The following GOLPH3 variants were observed in gnomAD, a reference collection of about 807,000 sequenced individuals.
GOLPH3 encodes the protein coat protein GPP34.
Under a neutral mutation model 28.5 loss-of-function variants are expected in GOLPH3, and 14 were observed. The observed-to-expected ratio is 0.49, with a 90% CI of 0.32 to 0.77. The LOEUF (loss-of-function observed/expected upper bound fraction) is 0.77. Ranked by LOEUF, GOLPH3 falls within the 30% of genes least tolerant of loss-of-function variation. The pLI is 0.03. For missense variants in GOLPH3, 350 were observed against 393.7 expected (o/e 0.89, Z 0.94); for synonymous variants, 158 against 159.2 (o/e 0.99, Z 0.06).
chr5:32,159,963 T>C (rs1317416389), intron 1 of GOLPH3, among the ~76,000 whole-genome samples: 2 of 152,232 alleles, frequency 1.3e-5, no homozygotes. Flanking sequence ...AAGTTTTATA[T>C]CAAGTCACTA....
At chr5:32,170,349 C>T (rs1239484317) in intron 1 of GOLPH3, among the ~76,000 whole-genome samples, 2 of 152,142 alleles carry the variant, frequency 1.3e-5, no homozygotes, top group East Asian at 3.8e-4. Context: ...GCTCTAGGTA[C>T]TGGTTTAACA....
rs189233297 is a variant in GOLPH3, at chr5:32,172,471, C to A, written c.225+1339G>T. Among the ~76,000 whole-genome samples the A allele has an allele frequency of 1.8e-3, 278 of 151,400 alleles. 1 individual carries two copies. Among genetic ancestry groups the A allele is most frequent in the African/African-American group, 6.5e-3 (267 of 41,210 alleles). On this transcript the variant is annotated intron_variant, in intron 1 of 3. Coordinates refer to ENST00000265070, the MANE Select transcript of GOLPH3 (RefSeq NM_022130.4). ...CAGCACTTTGGGAGGCCGAGGCAGG[C>A]GGATCACTAGGTCAAGAGATCGAGA...
intron 2 of GOLPH3, among the ~76,000 whole-genome samples, chr5:32,137,905 T>G (rs910604472): frequency 0.076 from 499 of 6,554 alleles, 5 homozygotes; most frequent in Admixed American, 0.37. Context: ...TTACGGTTTT[T>G]TTTGTTTTTT....
chr5:32,149,523 C>CA (rs1434878550), intron 1 of GOLPH3, among the ~76,000 whole-genome samples: 2 of 151,850 alleles, frequency 1.3e-5, no homozygotes, highest in Non-Finnish European at 2.9e-5. Context: ...AGAGCTGTTA[C>CA]AAAAAAACAT....
intron 3 of GOLPH3, among the ~76,000 whole-genome samples, chr5:32,134,515 T>TA (rs1234885364): frequency 3.7e-4 from 44 of 117,548 alleles, no homozygotes; most frequent in African/African-American, 1.3e-3. Context: ...GGCCAAAAAA[T>TA]AAAATAAAAA....
chr5:32,126,089 C>G lies in GOLPH3; in HGVS notation c.*123G>C, dbSNP rs1037833378. ...GTACAAAAAAGAAAAAGCCACCCAC[C>G]ATTTTGTAAAACAGAAGCCAATTAT... On this transcript the variant is annotated 3_prime_UTR_variant, in exon 4 of 4. Coordinates refer to ENST00000265070, the MANE Select transcript of GOLPH3 (RefSeq NM_022130.4). 1.0e-6 allele frequency: 1 copy of G among 986,258 alleles called. No homozygotes were observed. Among genetic ancestry groups the G allele is most frequent in the African/African-American group, 1.6e-5 (1 of 61,576 alleles). 61.1% of individuals were successfully genotyped at this position (986,258 alleles called of 1,614,324 possible).
chr5:32,164,818 AATGT>A (rs1231623972), intron 1 of GOLPH3, among the ~76,000 whole-genome samples: 2 of 152,112 alleles, frequency 1.3e-5, no homozygotes, highest in African/African-American at 2.4e-5. Context: ...TAATACAGTA[AATGT>A]ATTAAGTAAA....
intron 1 of GOLPH3, among the ~76,000 whole-genome samples, chr5:32,171,081 T>C (rs1401493803): frequency 6.6e-6 from 1 of 152,170 alleles, no homozygotes; most frequent in Non-Finnish European, 1.5e-5. Flanking sequence ...GTTTAAATTA[T>C]GTGAGTATGG....
rs1194520779 is a variant in GOLPH3, at chr5:32,174,175, G to C, written c.-141C>G. 2 of 476,114 alleles carry C rather than the reference G, an allele frequency of 4.2e-6. No individual in the cohort carries two copies. The highest frequency in any genetic ancestry group is 7.5e-5 in the East Asian group (2 of 26,518). 29.5% of individuals were successfully genotyped at this position (476,114 alleles called of 1,614,324 possible). A position where few individuals can be genotyped will look rare whatever the true frequency, so the allele number is the denominator to read the frequency against. On this transcript the variant is annotated 5_prime_UTR_variant, in exon 1 of 4. Transcript: ENST00000265070. ...CGACGTCCGTCGGCAGCAGGGCCGG[G>C]GGCAGTCATGAGGAAACAGGTCAGG...
intron 3 of GOLPH3, among the ~76,000 whole-genome samples, chr5:32,127,372 T>C (rs114064886): frequency 0.02 from 3,121 of 152,306 alleles, 42 homozygotes; most frequent in Non-Finnish European, 0.032. Flanking sequence ...GCAACTATTT[T>C]TATACTTAAA....
At chr5:32,168,718 C>T (rs1291214033) in intron 1 of GOLPH3, among the ~76,000 whole-genome samples, 3 of 152,158 alleles carry the variant, frequency 2.0e-5, no homozygotes, top group East Asian at 1.9e-4. Context: ...CCCTACAGCT[C>T]GTTATTCTCT....
intron 1 of GOLPH3, among the ~76,000 whole-genome samples, chr5:32,170,345 G>A (rs1214688210): frequency 6.6e-6 from 1 of 152,144 alleles, no homozygotes; most frequent in Admixed American, 6.6e-5. Context: ...TCTTGCTCTA[G>A]GTACTGGTTT....
intron 3 of GOLPH3, among the ~76,000 whole-genome samples, chr5:32,127,239 GTTC>G (rs1219018319): frequency 6.6e-6 from 1 of 152,116 alleles, no homozygotes; most frequent in Non-Finnish European, 1.5e-5. Context: ...ACTAAAGTGG[GTTC>G]TTCTTTATAG....
intron 2 of GOLPH3, among the ~76,000 whole-genome samples, chr5:32,139,652 T>C (rs1400340091): frequency 6.6e-6 from 1 of 152,232 alleles, no homozygotes; most frequent in Non-Finnish European, 1.5e-5. Context: ...CAAATAAATA[T>C]GTTCTATCCA....
At chr5:32,145,343 G>A (rs2111860544) in intron 1 of GOLPH3, among the ~76,000 whole-genome samples, 1 of 152,302 alleles carries the variant, frequency 6.6e-6, no homozygotes, top group African/African-American at 2.4e-5. Flanking sequence ...TAAACTTAGG[G>A]TCGGGGCCTG....
intron 1 of GOLPH3, among the ~76,000 whole-genome samples, chr5:32,167,676 C>CGTG (rs748520576): frequency 2.0e-5 from 3 of 146,858 alleles, no homozygotes; most frequent in Non-Finnish European, 4.6e-5. Context: ...GCAGACCAGG[C>CGTG]GTGGTGGCTC....
intron 1 of GOLPH3, among the ~76,000 whole-genome samples, chr5:32,149,026 C>T (rs1746244657): frequency 6.6e-6 from 1 of 152,080 alleles, no homozygotes. Flanking sequence ...TCTAAATGGA[C>T]CAGGATGAAC....
At chr5:32,155,209 A>G (rs1231847579) in intron 1 of GOLPH3, among the ~76,000 whole-genome samples, 1 of 152,062 alleles carries the variant, frequency 6.6e-6, no homozygotes, top group East Asian at 1.9e-4. Flanking sequence ...TTTTAAAGAC[A>G]GGGTTTCATT....
At chr5:32,158,132 T>TAC (rs70961610) in intron 1 of GOLPH3, among the ~76,000 whole-genome samples, 3,929 of 33,596 alleles carry the variant, frequency 0.12, 507 homozygotes, top group Middle Eastern at 0.32. Context: ...ATAAATAAAA[T>TAC]ACACACACAC....
Sources: allele counts gnomAD v4.1 joint callset (sites outside exome capture counted in the v4.1 genomes callset), GRCh38; gene constraint gnomAD v4.1.1; transcripts MANE v1.5; gene names NCBI Gene and HGNC (gene_info 2026-07-23, HGNC 2026-07-21).